The following ARNT2 variants were observed in gnomAD, a reference collection of about 807,000 sequenced individuals.
ARNT2 encodes ARNT protein 2.
A neutral mutation model predicts 91.7 loss-of-function variants in ARNT2; 36 were observed. The ratio of observed to expected loss-of-function variants is 0.39; its 90% CI spans 0.30 to 0.52. The LOEUF is 0.52. Among genes scored for constraint, ARNT2 ranks in the 20% least tolerant of loss-of-function variants. The probability of loss-of-function intolerance (pLI) is 0.72; values close to 1 mark genes in which losing one functional copy is unlikely to be tolerated. For missense variants in ARNT2, 775 were observed against 939.3 expected (o/e 0.83, Z 2.29); for synonymous variants, 365 against 347.1 (o/e 1.05, Z -0.57).
intron 1 of ARNT2, among the ~76,000 whole-genome samples, chr15:80,418,734 T>C (rs991671620): frequency 2.0e-5 from 3 of 152,220 alleles, no homozygotes; most frequent in African/African-American, 7.2e-5. Context: ...CCTCTGTAGC[T>C]GGCTGGCTCC....
intron 1 of ARNT2, among the ~76,000 whole-genome samples, chr15:80,418,596 C>T (rs982737457): frequency 1.3e-5 from 2 of 152,224 alleles, no homozygotes; most frequent in African/African-American, 4.8e-5. Context: ...CCTCTTGGCC[C>T]CTCCCATGCT....
chr15:80,543,161 A>G (rs1322695136), intron 8 of ARNT2, among the ~76,000 whole-genome samples: 1 of 151,470 alleles, frequency 6.6e-6, no homozygotes, highest in Non-Finnish European at 1.5e-5. Context: ...TTGCCCACAA[A>G]CATATGTTTA....
chr15:80,421,520 T>C (rs1895861606), intron 1 of ARNT2, among the ~76,000 whole-genome samples: 1 of 152,140 alleles, frequency 6.6e-6, no homozygotes, highest in South Asian at 2.1e-4. Context: ...TACTTAATGG[T>C]ACAAAGAAAG....
chr15:80,535,686 CTT>C (rs1897810570), intron 8 of ARNT2, among the ~76,000 whole-genome samples: 2 of 149,324 alleles, frequency 1.3e-5, no homozygotes, highest in African/African-American at 4.9e-5. Context: ...TTCAACCTGT[CTT>C]TGTCTTTTAA....
intron 5 of ARNT2, among the ~76,000 whole-genome samples, chr15:80,507,250 A>G (rs540887576): frequency 6.6e-6 from 1 of 152,206 alleles, no homozygotes; most frequent in Admixed American, 6.5e-5. Flanking sequence ...ATGGCCCAGA[A>G]CCCCGTGGGG....
At chr15:80,510,722 G>A (rs1011000260) in intron 6 of ARNT2, among the ~76,000 whole-genome samples, 1 of 152,052 alleles carries the variant, frequency 6.6e-6, no homozygotes, top group Admixed American at 6.6e-5. Flanking sequence ...CCTGCTACTC[G>A]GGAGGCTGAG....
chr15:80,415,034 C>A (rs1270020504), intron 1 of ARNT2, among the ~76,000 whole-genome samples: 2 of 152,238 alleles, frequency 1.3e-5, no homozygotes, highest in South Asian at 2.1e-4. Context: ...GAATGTAGAC[C>A]CCCTCCATTT....
intron 14 of ARNT2, 34 bp downstream of exon 14, chr15:80,575,144 T>A: frequency 6.2e-7 from 1 of 1,608,034 alleles, no homozygotes; most frequent in South Asian, 1.1e-5. Flanking sequence ...GTTTTGAGAG[T>A]GTGGGTTTAC....
rs1341185412 is a variant in ARNT2, at chr15:80,596,857, T to C, written c.*3159T>C. 4.1e-5 allele frequency: 13 copies of C among 319,368 alleles called. No homozygotes were observed. The highest frequency in any genetic ancestry group is 2.1e-4 in the South Asian group (8 of 37,312). The allele number at this position is 319,368 out of a possible 1,614,324, so 19.8% of individuals were successfully genotyped here. ...AGCCACAGTAAGGCTCCATCAGGACTGGGTCAGTGATGGCAACAGGATGGC... is the reference window on the plus strand; with the variant it reads ...AGCCACAGTAAGGCTCCATCAGGACCGGGTCAGTGATGGCAACAGGATGGC... On this transcript the variant is annotated 3_prime_UTR_variant, in exon 19 of 19. Transcript: ENST00000303329.
chr15:80,559,293 G>A (rs1266202585), intron 11 of ARNT2, among the ~76,000 whole-genome samples: 1 of 152,196 alleles, frequency 6.6e-6, no homozygotes, highest in Non-Finnish European at 1.5e-5. Context: ...GGGATGGGAG[G>A]CCGAGACAGC....
chr15:80,528,947 C>T (rs1566994268), intron 8 of ARNT2, among the ~76,000 whole-genome samples: 1 of 152,176 alleles, frequency 6.6e-6, no homozygotes, highest in Non-Finnish European at 1.5e-5. Context: ...CAACAAATTC[C>T]TTGGCCACAT....
chr15:80,441,513 T>C (rs1255135189), intron 1 of ARNT2: 2 of 500,266 alleles, frequency 4.0e-6, no homozygotes, highest in Non-Finnish European at 5.2e-6. Flanking sequence ...CCTTTTGGTT[T>C]TTCATTTATT....
intron 12 of ARNT2, among the ~76,000 whole-genome samples, chr15:80,563,896 A>G (rs538686618): frequency 1.3e-5 from 2 of 152,336 alleles, no homozygotes; most frequent in Admixed American, 6.5e-5. Context: ...GTTGCTGTAA[A>G]GATTAAATGA....
intron 5 of ARNT2, among the ~76,000 whole-genome samples, chr15:80,481,395 C>T (rs1896886027): frequency 6.6e-6 from 1 of 152,114 alleles, no homozygotes; most frequent in African/African-American, 2.4e-5. Flanking sequence ...ACACTCGGTG[C>T]ATGTTGCATT....
Position 80,526,446 on chromosome 15 carries a change from A to G in ARNT2, c.877+12041A>G, listed in dbSNP as rs757992378. On this transcript the variant is annotated intron_variant, in intron 8 of 18. Transcript: ENST00000303329. Reference sequence around the variant, plus strand: ...TGGACTAACATTCAGCTTTGAGCCAAATGTCTTTTCTACAACAAATCTTCC... The same window carrying G: ...TGGACTAACATTCAGCTTTGAGCCAGATGTCTTTTCTACAACAAATCTTCC... Among the ~76,000 whole-genome samples the G allele has an allele frequency of 5.3e-5, 8 of 152,188 alleles. 1 individual carries two copies. Among genetic ancestry groups the G allele is most frequent in the African/African-American group, 7.2e-5 (3 of 41,450 alleles).
At chr15:80,447,137 A>G (rs1331639602) in intron 1 of ARNT2, among the ~76,000 whole-genome samples, 2 of 146,612 alleles carry the variant, frequency 1.4e-5, no homozygotes, top group Non-Finnish European at 3.0e-5. Context: ...TTTTCTGTGC[A>G]TATAACACAC....
intron 8 of ARNT2, among the ~76,000 whole-genome samples, chr15:80,543,112 A>C (rs962612508): frequency 1.4e-5 from 2 of 144,534 alleles, no homozygotes; most frequent in African/African-American, 2.7e-5. Flanking sequence ...AAAAAAAAAA[A>C]AAAAAAAAAG....
intron 8 of ARNT2, among the ~76,000 whole-genome samples, chr15:80,546,032 G>A (rs867417261): frequency 4.6e-5 from 7 of 152,214 alleles, no homozygotes; most frequent in African/African-American, 1.7e-4. Flanking sequence ...GTCTAATTAA[G>A]TGACAGATGT....
chr15:80,424,440 G>T (rs982038136), intron 1 of ARNT2, among the ~76,000 whole-genome samples: 13 of 152,210 alleles, frequency 8.5e-5, no homozygotes, highest in Non-Finnish European at 1.9e-4. Flanking sequence ...CCTCATCCAA[G>T]ATGTTCGGAG....
Sources: gnomAD v4.1 joint callset for allele counts (sites outside exome capture counted in the v4.1 genomes callset) on GRCh38, gnomAD v4.1.1 for gene constraint, MANE v1.5 for transcripts, NCBI Gene and HGNC (gene_info 2026-07-23, HGNC 2026-07-21) for gene names.